The following ATG2A variants were observed in gnomAD, a reference collection of about 807,000 sequenced individuals.
The protein encoded by ATG2A is autophagy related 2A, also known as autophagy-related protein 2 homolog A.
A neutral mutation model predicts 214.2 loss-of-function variants in ATG2A; 103 were observed. The ratio of observed to expected loss-of-function variants is 0.48; its 90% CI spans 0.41 to 0.57. The LOEUF is 0.57. Among genes scored for constraint, ATG2A ranks in the 20% least tolerant of loss-of-function variants. ATG2A has a pLI of 0.00. For missense variants in ATG2A, 2,312 were observed against 2,613.2 expected (o/e 0.88, Z 2.51); for synonymous variants, 1,160 against 1,142.1 (o/e 1.02, Z -0.32).
rs754705616 is a variant in ATG2A, at chr11:64,913,283, C to T, written c.709G>A (p.Glu237Lys). The T allele has an allele frequency of 5.6e-6, 9 of 1,611,096 alleles. No individual in the cohort carries two copies. The South Asian group carries it at 6.6e-5, about 12-fold the overall frequency. The change falls in exon 5 of 41, where the codon GAG becomes AAG. Residue 237 changes from glutamate (E) to lysine (K), a missense_variant. By Grantham distance (56) the Glu-to-Lys change is moderately conservative. Transcript: ENST00000377264. The surrounding 1 kb of genome is among the most constrained non-coding windows in gnomAD (Gnocchi z 4.3). ...LQLAGVRLHY[E>K]ELPAQEEPPE... is the part of the protein sequence containing the mutation. ...CCGCTCACCTGTGCCGGGAGCTCCT[C>T]GTAGTGCAGGCGGACCCCTGCCAGC...
intron 22 of ATG2A, 41 bp downstream of exon 22, chr11:64,906,072 A>C (rs1174545778): frequency 6.5e-7 from 1 of 1,544,810 alleles, no homozygotes; most frequent in Non-Finnish European, 8.8e-7. Flanking sequence ...ACAGAAGTCC[A>C]GAGTCACTGG....
At chr11:64,915,607 C>T (rs1944949540) in intron 1 of ATG2A, among the ~76,000 whole-genome samples, 1 of 152,108 alleles carries the variant, frequency 6.6e-6, no homozygotes, top group African/African-American at 2.4e-5. Flanking sequence ...CCACCAGGGC[C>T]CTAGAGAAGC....
In ATG2A at chr11:64,910,467, C is replaced by T. The variant is rs2136622635; in HGVS notation, c.1707+149G>A. 13 of 1,050,416 alleles carry T rather than the reference C, an allele frequency of 1.2e-5. 1 individual carries two copies. In the South Asian group the frequency reaches 2.0e-4, roughly 16 times the overall value. The allele number at this position is 1,050,416 out of a possible 1,614,324, so 65.1% of individuals were successfully genotyped here. ...GCTCAGAGACTGGCATAGGAAGGGC[C>T]AGGCAGGTATTTGAGGGCCCCAGCA... On this transcript the variant is annotated intron_variant, in intron 12 of 40. Coordinates refer to ENST00000377264, the MANE Select transcript of ATG2A (RefSeq NM_015104.3).
In ATG2A at chr11:64,894,965, C is replaced by A; in HGVS notation, c.*8G>T. The A allele has an allele frequency of 1.9e-6, 3 of 1,611,384 alleles. No individual in the cohort carries two copies. Among genetic ancestry groups the A allele is most frequent in the Non-Finnish European group, 1.7e-6 (2 of 1,178,712 alleles). On this transcript the variant is annotated 3_prime_UTR_variant, in exon 41 of 41. Transcript: ENST00000377264. Reference sequence around the variant, plus strand: ...GGCAGCACCCTCTGGGTGCCGGGCACCCCAGGCTCAGTCTTGGGCACTGTC... The same window carrying A: ...GGCAGCACCCTCTGGGTGCCGGGCAACCCAGGCTCAGTCTTGGGCACTGTC...
chr11:64,901,009 G>A lies in ATG2A; in HGVS notation c.4203C>T (p.Gly1401=), dbSNP rs771183204. The A allele has an allele frequency of 3.6e-5, 57 of 1,589,110 alleles. No individual in the cohort carries two copies. Among genetic ancestry groups the A allele is most frequent in the Non-Finnish European group, 4.4e-5 (51 of 1,167,954 alleles). The change falls in exon 30 of 41, where the codon GGC becomes GGT. Residue 1401 remains glycine (G), a synonymous_variant. Transcript: ENST00000377264. ...CAGGTGCCCGCAGCAAGTCCGTGCT[G>A]CCGATCGGCCGTGAGAAGTAACCGT... ...VRDGYFSRPI[G]STDLLRAPAH...
intron 22 of ATG2A, 42 bp from the exon 23 acceptor site, chr11:64,905,890 G>A (rs1254250068): frequency 6.3e-7 from 1 of 1,577,890 alleles, no homozygotes; most frequent in Non-Finnish European, 8.7e-7. Context: ...GGATCAGGTG[G>A]TGTCCTCCCT....
chr11:64,914,584 T>C, intron 1 of ATG2A, 84 bp from the exon 2 acceptor site: 5 of 1,510,958 alleles, frequency 3.3e-6, no homozygotes, highest in Non-Finnish European at 4.5e-6. Context: ...CATAGTGCCT[T>C]GGAGAGCACC....
intron 2 of ATG2A, 22 bp downstream of exon 2, chr11:64,914,313 GCCC>G: frequency 1.9e-6 from 3 of 1,572,638 alleles, no homozygotes; most frequent in Non-Finnish European, 2.6e-6. Flanking sequence ...CCACTTGCCT[GCCC>G]CCAGCCTCGC....
chr11:64,907,816 C>A lies in ATG2A; in HGVS notation c.2439G>T (p.Leu813=). Residue 813 remains leucine, a synonymous_variant, in exon 17 of 41, where the codon CTG becomes CTT. Transcript: ENST00000377264. The part of the protein sequence containing the change: ...SRTLALSRCS[L]EVILPSVHIF... Reference sequence around the variant, plus strand: ...TGTGGACACTGGGCAGGATCACTTCCAGGCTGCAGCGGGACAGTGCCAGGG... The same window carrying A: ...TGTGGACACTGGGCAGGATCACTTCAAGGCTGCAGCGGGACAGTGCCAGGG... 6.2e-7 allele frequency: 1 copy of A among 1,613,464 alleles called. No homozygotes were observed. The highest frequency in any genetic ancestry group is 8.5e-7 in the Non-Finnish European group (1 of 1,179,966).
In ATG2A at chr11:64,903,664, G is replaced by A. The variant is rs777793166; in HGVS notation, c.3465-4C>T. The A allele has an allele frequency of 6.5e-6, 10 of 1,549,290 alleles. No individual in the cohort carries two copies. The highest frequency in any genetic ancestry group is 2.4e-5 in the East Asian group (1 of 40,872). ...GGCGGAGTCATCGAGGATGAACCTGGGGGGGAACAGGGCTGAGAAGGGCCC... is the reference window on the plus strand; with the variant it reads ...GGCGGAGTCATCGAGGATGAACCTGAGGGGGAACAGGGCTGAGAAGGGCCC... On this transcript the variant is annotated splice_region_variant and splice_polypyrimidine_tract_variant and intron_variant, in intron 24 of 40. Coordinates refer to ENST00000377264, the MANE Select transcript of ATG2A (RefSeq NM_015104.3). The surrounding 1 kb of genome is among the most constrained non-coding windows in gnomAD (Gnocchi z 4.2).
rs1017376541 is a variant in ATG2A, at chr11:64,914,439, C to T, written c.233G>A (p.Gly78Asp). 5.6e-6 allele frequency: 9 copies of T among 1,612,678 alleles called. No homozygotes were observed. The East Asian group carries it at 1.8e-4, about 32-fold the overall frequency. The change falls in exon 2 of 41, where the codon GGC becomes GAC. Residue 78 changes from glycine (G) to aspartate (D), a missense_variant. Physicochemically the swap from Gly to Asp is moderately conservative, Grantham distance 94 (BLOSUM62 -1). Coordinates refer to ENST00000377264, the MANE Select transcript of ATG2A (RefSeq NM_015104.3). Reference sequence around the variant, plus strand: ...CCAGGGCACGGCCACCTCGATGGAGCCCACGAAGCCTTCCACCAGCTCCAG... The same window carrying T: ...CCAGGGCACGGCCACCTCGATGGAGTCCACGAAGCCTTCCACCAGCTCCAG... ...SPLELVEGFV[G>D]SIEVAVPWAA...
At chr11:64,915,489 C>T (rs974129311) in intron 1 of ATG2A, among the ~76,000 whole-genome samples, 5 of 152,156 alleles carry the variant, frequency 3.3e-5, no homozygotes, top group Admixed American at 2.0e-4. Context: ...TCTTTTCATG[C>T]CACTTCAGAG....
At position 64,903,461 on chromosome 11, in the gene ATG2A, C is replaced by G. The variant is rs577713721; in HGVS notation, c.3536-97G>C. 30 of 1,522,386 alleles carry G rather than the reference C, an allele frequency of 2.0e-5. No homozygotes were observed. The Admixed American group carries it at 3.7e-4, about 19-fold the overall frequency. 94.3% of individuals were successfully genotyped at this position (1,522,386 alleles called of 1,614,324 possible). On this transcript the variant is annotated intron_variant, in intron 25 of 40. Coordinates refer to ENST00000377264, the MANE Select transcript of ATG2A (RefSeq NM_015104.3). This position sits in a 1 kb window ranked among gnomAD's most constrained non-coding sequence, Gnocchi z 4.2. ...GATCCGGTTGATCCAGGTGTAGTCCCTGCTGTGCGGGCTACGTGTGGGAGC... is the reference window on the plus strand; with the variant it reads ...GATCCGGTTGATCCAGGTGTAGTCCGTGCTGTGCGGGCTACGTGTGGGAGC...
chr11:64,898,140 T>C lies in ATG2A; in HGVS notation c.4804A>G (p.Thr1602Ala), dbSNP rs766663552. ...GGGTTGATGCCGGCCACCAGACTAG[T>C]GAAGAAGTCCTTGAGGAAGAAGAGG... Reference protein sequence around the residue: ...DALFFLKDFFTSLVAGINPVV... With the variant: ...DALFFLKDFFASLVAGINPVV... Residue 1602 changes from threonine (T) to alanine (A), a missense_variant, in exon 34 of 41, where the codon ACT becomes GCT. Thr to Ala is a moderately conservative substitution (Grantham distance 58). Transcript: ENST00000377264. This position sits in a 1 kb window ranked among gnomAD's most constrained non-coding sequence, Gnocchi z 4.5. 6 of 1,613,842 alleles carry C rather than the reference T, an allele frequency of 3.7e-6. No homozygotes were observed. In the South Asian group the frequency reaches 6.6e-5, roughly 18 times the overall value.
At chr11:64,908,038 A>G (rs1590646038) in intron 16 of ATG2A, 148 bp from the exon 17 acceptor site, 2 of 968,816 alleles carry the variant, frequency 2.1e-6, no homozygotes, top group Non-Finnish European at 3.1e-6. Context: ...ATAGCCGTAC[A>G]GATACAGTGC....
chr11:64,902,658 C>T lies in ATG2A; in HGVS notation c.3635G>A (p.Arg1212His), dbSNP rs148478613. 2.4e-3 allele frequency: 3,824 copies of T among 1,610,582 alleles called. 7 individuals are homozygous for T. Among genetic ancestry groups the T allele is most frequent in the Non-Finnish European group, 2.9e-3 (3,479 of 1,179,522 alleles). Reference protein sequence around the residue: ...GKLSQPLFELRCSNNVVHVHS... With the variant: ...GKLSQPLFELHCSNNVVHVHS... ...CACGTGTACCACATTGTTGGAGCAG[C>T]GCAGCTCGAATAGTGGCTGGCTCTG... Residue 1212 changes from arginine to histidine, a missense_variant, in exon 27 of 41, where the codon CGC (arginine) becomes CAC (histidine). Physicochemically the swap from Arg to His is conservative, Grantham distance 29. Transcript: ENST00000377264.
In ATG2A at chr11:64,898,722, G is replaced by A. The variant is rs1195553403; in HGVS notation, c.4585C>T (p.Arg1529Ter). Residue 1529 changes from arginine (R) to a stop codon, truncating the protein, a stop_gained, in exon 32 of 41, where the codon CGA becomes TGA. Coordinates refer to ENST00000377264, the MANE Select transcript of ATG2A (RefSeq NM_015104.3). LOFTEE classifies it high-confidence loss of function. The surrounding 1 kb of genome is among the most constrained non-coding windows in gnomAD (Gnocchi z 4.5). Reference sequence around the variant, plus strand: ...ATCTGGGAGGAGGCGAGCCGGTCTCGGACCTCCAGCTCCTGCACGATGAAC... The same window carrying A: ...ATCTGGGAGGAGGCGAGCCGGTCTCAGACCTCCAGCTCCTGCACGATGAAC... Reference protein sequence around the residue: ...QVFIVQELEVRDRLASSQINK... With the variant: ...QVFIVQELEV 4 of 1,614,098 alleles carry A rather than the reference G, an allele frequency of 2.5e-6. No homozygotes were observed. Among genetic ancestry groups the A allele is most frequent in the Admixed American group, 1.7e-5 (1 of 60,020 alleles).
In ATG2A at chr11:64,910,825, A is replaced by G. The variant is rs1944742551; in HGVS notation, c.1596T>C (p.Ser532=). The change falls in exon 11 of 41, where the codon TCT becomes TCC. Residue 532 remains serine, a synonymous_variant. Coordinates refer to ENST00000377264, the MANE Select transcript of ATG2A (RefSeq NM_015104.3). ...CCCTCACCTCCGTGTACTCAGGCTC[A>G]GAGGTGCCCCGGGGCCACAGACACT... ...VLECLWPRGT[S]EPEYTEILTF... is the part of the protein sequence containing the mutation. The G allele has an allele frequency of 1.2e-6, 2 of 1,609,972 alleles. No individual in the cohort carries two copies. The highest frequency in any genetic ancestry group is 1.3e-5 in the African/African-American group (1 of 74,834).
intron 9 of ATG2A, 151 bp downstream of exon 9, chr11:64,911,691 C>T: frequency 8.8e-7 from 1 of 1,133,586 alleles, no homozygotes. Flanking sequence ...TCACCAGCTC[C>T]CACCTTGTTT....
Sources: allele counts gnomAD v4.1 joint callset (sites outside exome capture counted in the v4.1 genomes callset), GRCh38; gene constraint gnomAD v4.1.1; non-coding constraint Gnocchi (gnomAD v3.1); transcripts MANE v1.5; gene names NCBI Gene and HGNC (gene_info 2026-07-23, HGNC 2026-07-21).